The following DPYD variants were observed in gnomAD, a reference collection of about 807,000 sequenced individuals.
DPYD encodes dihydropyrimidine dehydrogenase [NADP(+)].
Under a neutral mutation model 116.2 loss-of-function variants are expected in DPYD, and 109 were observed. That is an observed-to-expected ratio of 0.94 (90% CI 0.80 to 1.10). DPYD has a LOEUF of 1.10. Ranked by LOEUF, DPYD falls within the 50% of genes least tolerant of loss-of-function variation. The pLI is 0.00. For missense variants in DPYD, 1,302 were observed against 1,254.5 expected (o/e 1.04, Z -0.57); for synonymous variants, 440 against 432.0 (o/e 1.02, Z -0.23).
chr1:97,368,563 T>A (rs1671159699), intron 16 of DPYD, among the ~76,000 whole-genome samples: 1 of 152,148 alleles, frequency 6.6e-6, no homozygotes. Flanking sequence ...TTACCACATA[T>A]CTCACTCCAT....
At chr1:97,507,977 G>T (rs1196555928) in intron 13 of DPYD, among the ~76,000 whole-genome samples, 2 of 151,958 alleles carry the variant, frequency 1.3e-5, no homozygotes, top group Admixed American at 6.6e-5. Context: ...TGGAATTGTG[G>T]TTCAAATTAG....
At chr1:97,550,833 A>G (rs938425058) in intron 11 of DPYD, among the ~76,000 whole-genome samples, 2 of 152,228 alleles carry the variant, frequency 1.3e-5, no homozygotes, top group Non-Finnish European at 2.9e-5. Flanking sequence ...GCCAAATACA[A>G]AAAATGTTAT....
At chr1:97,546,677 T>C in intron 12 of DPYD, 1 of 1,613,008 alleles carries the variant, frequency 6.2e-7, no homozygotes. Context: ...TTAATATCCA[T>C]GCCATATCAT....
At chr1:97,657,412 C>T (rs1020368394) in intron 8 of DPYD, among the ~76,000 whole-genome samples, 1 of 152,092 alleles carries the variant, frequency 6.6e-6, no homozygotes, top group African/African-American at 2.4e-5. Context: ...AATTAAATTT[C>T]CAAATTCTAA....
chr1:97,206,658 ATATATATATATATATATATATATATATAT>A (rs1557938112), intron 19 of DPYD, among the ~76,000 whole-genome samples: 8 of 94,464 alleles, frequency 8.5e-5, no homozygotes, highest in Middle Eastern at 4.5e-3. Flanking sequence ...ATATATATAT[ATATATATATATATATATATATATATATAT>A]AATCTATATG....
intron 18 of DPYD, among the ~76,000 whole-genome samples, chr1:97,278,040 C>A (rs990519781): frequency 2.6e-5 from 4 of 152,136 alleles, no homozygotes; most frequent in Non-Finnish European, 4.4e-5. Flanking sequence ...GCCTAGTTCA[C>A]CTTATGTGAC....
intron 8 of DPYD, among the ~76,000 whole-genome samples, chr1:97,671,152 C>T (rs995275671): frequency 2.6e-5 from 4 of 151,770 alleles, no homozygotes; most frequent in Non-Finnish European, 5.9e-5. Flanking sequence ...TCCTTTTTTA[C>T]AATAATACGG....
chr1:97,687,092 A>T (rs1452233984), intron 7 of DPYD, among the ~76,000 whole-genome samples: 6 of 152,064 alleles, frequency 3.9e-5, no homozygotes, highest in Non-Finnish European at 8.8e-5. Context: ...CCAACATGGT[A>T]AAATCCCATC....
At chr1:97,591,425 C>G (rs1461223693) in intron 10 of DPYD, among the ~76,000 whole-genome samples, 1 of 151,932 alleles carries the variant, frequency 6.6e-6, no homozygotes, top group South Asian at 2.1e-4. Flanking sequence ...CTAAGTTGCC[C>G]AGAACAATAC....
chr1:97,122,538 T>C (rs1382476761), intron 20 of DPYD, among the ~76,000 whole-genome samples: 1 of 152,148 alleles, frequency 6.6e-6, no homozygotes, highest in Non-Finnish European at 1.5e-5. Context: ...GCAATTTTGC[T>C]CCTTATTCTT....
At chr1:97,418,591 C>T (rs1277071948) in intron 14 of DPYD, among the ~76,000 whole-genome samples, 1 of 152,094 alleles carries the variant, frequency 6.6e-6, no homozygotes. Flanking sequence ...TGAGTCACTG[C>T]ACCCAGCCTA....
At chr1:97,079,652 C>T (rs1446061415) in intron 22 of DPYD, among the ~76,000 whole-genome samples, 1 of 152,114 alleles carries the variant, frequency 6.6e-6, no homozygotes, top group Non-Finnish European at 1.5e-5. Flanking sequence ...AAAAAATTAG[C>T]TTAACAGTCA....
chr1:97,444,128 G>A (rs1007120014), intron 14 of DPYD, among the ~76,000 whole-genome samples: 8 of 152,286 alleles, frequency 5.3e-5, no homozygotes, highest in African/African-American at 9.6e-5. Flanking sequence ...GGGATTAACA[G>A]CAAAACAATG....
At chr1:97,626,840 AG>A (rs1481293303) in intron 8 of DPYD, among the ~76,000 whole-genome samples, 1 of 152,096 alleles carries the variant, frequency 6.6e-6, no homozygotes, top group Non-Finnish European at 1.5e-5. Context: ...AAAATATATT[AG>A]TAGTCTTTCT....
rs535336291 is a variant in DPYD at position 97,591,122 on chromosome 1, T to C, written c.1128+2096A>G. On this transcript the variant is annotated intron_variant, in intron 10 of 22. Transcript: ENST00000370192. Reference sequence around the variant, plus strand: ...AGCTTGCCATGGAATGTTTATCTCCTGGATGCCTACTTTCCCTCAACTTCC... The same window carrying C: ...AGCTTGCCATGGAATGTTTATCTCCCGGATGCCTACTTTCCCTCAACTTCC... Among the ~76,000 whole-genome samples, 10 of 151,816 alleles carry C rather than the reference T, an allele frequency of 6.6e-5. No homozygotes were observed. The South Asian group carries it at 1.9e-3, about 29-fold the overall frequency.
intron 14 of DPYD, among the ~76,000 whole-genome samples, chr1:97,437,780 A>T (rs2101750128): frequency 6.6e-6 from 1 of 152,092 alleles, no homozygotes; most frequent in African/African-American, 2.4e-5. Context: ...TTTCAAAGGC[A>T]GTAATTTTGG....
Position 97,805,537 on chromosome 1 carries a change from G to T in DPYD, c.233+22577C>A, listed in dbSNP as rs138043059. Among the ~76,000 whole-genome samples, 1,302 of 151,886 alleles carry T rather than the reference G, an allele frequency of 8.6e-3. 20 individuals are homozygous for T. The highest frequency in any genetic ancestry group is 0.03 in the African/African-American group (1,236 of 41,500). ...CCATGACTTTGATTACCAAAACAAT[G>T]TGCTGAGGTAGACACAGAAAGGAAT... is the stretch of plus-strand genomic sequence containing the variant. On this transcript the variant is annotated intron_variant, in intron 3 of 22. Transcript: ENST00000370192.
At chr1:97,332,802 T>C (rs887556278) in intron 16 of DPYD, among the ~76,000 whole-genome samples, 16 of 152,190 alleles carry the variant, frequency 1.1e-4, no homozygotes, top group Admixed American at 3.3e-4. Context: ...TCTAAATCTC[T>C]GAGAGTCATA....
At chr1:97,678,785 G>T (rs1362504300) in intron 8 of DPYD, among the ~76,000 whole-genome samples, 2 of 152,092 alleles carry the variant, frequency 1.3e-5, no homozygotes, top group African/African-American at 4.8e-5. Context: ...ACAGCCTCTA[G>T]ACAGATTCTG....
Sources: allele counts gnomAD v4.1 joint callset (sites outside exome capture counted in the v4.1 genomes callset), GRCh38; gene constraint gnomAD v4.1.1; transcripts MANE v1.5; gene names NCBI Gene and HGNC (gene_info 2026-07-23, HGNC 2026-07-21).